The following TRPM7 variants were observed in gnomAD, a reference collection of about 807,000 sequenced individuals.
TRPM7 encodes the protein transient receptor potential cation channel subfamily M member 7.
In TRPM7, 134 loss-of-function variants were observed where a neutral mutation model predicts 229.7. The observed-to-expected ratio is 0.58, with a 90% CI of 0.51 to 0.67. TRPM7 has a LOEUF of 0.67. Among genes scored for constraint, TRPM7 ranks in the 30% least tolerant of loss-of-function variants. TRPM7 has a pLI of 0.00. For missense variants in TRPM7, 1,901 were observed against 2,210.0 expected (o/e 0.86, Z 2.80); for synonymous variants, 699 against 715.2 (o/e 0.98, Z 0.36).
chr15:50,612,357 A>G (rs1023447796), intron 16 of TRPM7, among the ~76,000 whole-genome samples, 192 bp downstream of exon 16: 5 of 152,074 alleles, frequency 3.3e-5, no homozygotes, highest in African/African-American at 4.8e-5. Context: ...AAATATAATA[A>G]CCTCTTTTTC....
At chr15:50,683,353 T>C (rs143165255) in intron 1 of TRPM7, among the ~76,000 whole-genome samples, 2 of 151,528 alleles carry the variant, frequency 1.3e-5, no homozygotes, top group African/African-American at 4.8e-5. Flanking sequence ...CTACAAAAAC[T>C]ACTACATGAA....
chr15:50,602,386 G>T (rs2059804628), intron 21 of TRPM7, among the ~76,000 whole-genome samples: 1 of 152,132 alleles, frequency 6.6e-6, no homozygotes. Flanking sequence ...CCTGTCATGG[G>T]GTAGGGGGCA....
chr15:50,559,287 G>C lies in TRPM7; in HGVS notation c.*2391C>G, dbSNP rs918622958. 3 of 152,048 alleles carry C rather than the reference G, an allele frequency of 2.0e-5. No homozygotes were observed. Among genetic ancestry groups the C allele is most frequent in the African/African-American group, 7.3e-5 (3 of 41,364 alleles). The allele number at this position is 152,048 out of a possible 1,614,324, so 9.4% of individuals were successfully genotyped here. ...AGGCTGGTCTCGAACTCCTGACCTT[G>C]TGATCCGCCCACCTTGGCCTCCCAA... On this transcript the variant is annotated 3_prime_UTR_variant, in exon 39 of 39. Coordinates refer to ENST00000646667, the MANE Select transcript of TRPM7 (RefSeq NM_017672.6).
At chr15:50,572,444 G>A (rs1251305106) in intron 36 of TRPM7, among the ~76,000 whole-genome samples, 3 of 152,138 alleles carry the variant, frequency 2.0e-5, no homozygotes, top group Non-Finnish European at 2.9e-5. Flanking sequence ...TTAACAATAA[G>A]GTATTTTTAA....
At chr15:50,670,065 A>G (rs2061956954) in intron 1 of TRPM7, among the ~76,000 whole-genome samples, 1 of 152,218 alleles carries the variant, frequency 6.6e-6, no homozygotes, top group Non-Finnish European at 1.5e-5. Context: ...ACTCTGAGTT[A>G]TGGATGGCCC....
At chr15:50,650,978 C>G (rs931449455) in intron 3 of TRPM7, among the ~76,000 whole-genome samples, 1 of 152,112 alleles carries the variant, frequency 6.6e-6, no homozygotes, top group Non-Finnish European at 1.5e-5. Context: ...TGCTTGAGCC[C>G]AGGAGTTTAG....
At chr15:50,604,522 G>C (rs2059869828) in intron 21 of TRPM7, 1 of 152,346 alleles carries the variant, frequency 6.6e-6, no homozygotes, top group South Asian at 2.1e-4. Flanking sequence ...AGTGAGCCAA[G>C]ATAGTGCCAT....
At chr15:50,579,360 T>C (rs899942758) in intron 30 of TRPM7, among the ~76,000 whole-genome samples, 8 of 152,362 alleles carry the variant, frequency 5.3e-5, no homozygotes, top group African/African-American at 1.9e-4. Context: ...GTAGATAACC[T>C]GTCTCTTTCC....
chr15:50,627,857 A>G (rs1392749929), intron 11 of TRPM7, among the ~76,000 whole-genome samples: 1 of 152,210 alleles, frequency 6.6e-6, no homozygotes, highest in East Asian at 1.9e-4. Context: ...ATAGGTCTAA[A>G]CATCAGGGGG....
chr15:50,669,710 G>GT (rs980785924), intron 1 of TRPM7, among the ~76,000 whole-genome samples: 35 of 152,036 alleles, frequency 2.3e-4, no homozygotes, highest in Admixed American at 1.9e-3. Flanking sequence ...AGTTGTTTGA[G>GT]TTTTTTTCCT....
At chr15:50,600,256 G>C (rs1424268974) in intron 21 of TRPM7, among the ~76,000 whole-genome samples, 1 of 152,090 alleles carries the variant, frequency 6.6e-6, no homozygotes, top group African/African-American at 2.4e-5. Context: ...GGCCAACATG[G>C]TGAAACCCTG....
In TRPM7 at chr15:50,674,344, C is replaced by T. The variant is rs533020859; in HGVS notation, c.4-11298G>A. Among the ~76,000 whole-genome samples, 7 of 152,062 alleles carry T rather than the reference C, an allele frequency of 4.6e-5. No individual in the cohort carries two copies. The East Asian group carries it at 1.4e-3, about 29-fold the overall frequency. ...ATGAGGTTTCACCATGTTGGTCAGG[C>T]TTTTCTTGAACTCCTGATCTCAGGT... On this transcript the variant is annotated intron_variant, in intron 1 of 38. Coordinates refer to ENST00000646667, the MANE Select transcript of TRPM7 (RefSeq NM_017672.6).
In TRPM7 at chr15:50,580,924, AAC is replaced by A. The variant is rs147578012; in HGVS notation, c.4558-18_4558-17del. On this transcript the variant is annotated splice_polypyrimidine_tract_variant and intron_variant, in intron 29 of 38. Transcript: ENST00000646667. ...GTAACCAATCCTTCAGTAAAAAAAA[AAC>A]ACACACACACAAAAACCTTAAAGAC... 4.7e-5 allele frequency: 74 copies of A among 1,569,912 alleles called. No homozygotes were observed. Among genetic ancestry groups the A allele is most frequent in the South Asian group, 3.6e-4 (30 of 83,114 alleles).
chr15:50,586,510 A>G (rs755800050), intron 27 of TRPM7, 22 bp from the exon 28 acceptor site: 4 of 1,513,062 alleles, frequency 2.6e-6, no homozygotes, highest in Non-Finnish European at 3.7e-6. Flanking sequence ...GTGCAGACAT[A>G]TAATTTGAAA....
chr15:50,595,597 A>T (rs535777900), intron 23 of TRPM7, among the ~76,000 whole-genome samples: 1 of 152,302 alleles, frequency 6.6e-6, no homozygotes, highest in African/African-American at 2.4e-5. Flanking sequence ...ACTGTGGCTC[A>T]TGCCTGTAAT....
intron 11 of TRPM7, among the ~76,000 whole-genome samples, chr15:50,626,810 AAT>A (rs58134525): frequency 0.016 from 2,339 of 147,350 alleles, 66 homozygotes; most frequent in African/African-American, 0.055. Context: ...AAAAAAAAAA[AAT>A]CAAACACTAC....
At position 50,633,010 on chromosome 15, in the gene TRPM7, A is replaced by G. The variant is rs778595116; in HGVS notation, c.1008-18T>C. 3.8e-6 allele frequency: 6 copies of G among 1,575,154 alleles called. No homozygotes were observed. Among genetic ancestry groups the G allele is most frequent in the Non-Finnish European group, 5.1e-6 (6 of 1,167,872 alleles). ...GAAGATTCCTGGAATAAAAGGAAAC[A>G]TAATTCACTGATTTCATCTTCCATT... On this transcript the variant is annotated intron_variant, in intron 8 of 38. Coordinates refer to ENST00000646667, the MANE Select transcript of TRPM7 (RefSeq NM_017672.6).
intron 30 of TRPM7, among the ~76,000 whole-genome samples, chr15:50,579,683 T>G (rs182609131): frequency 1.2e-3 from 182 of 152,326 alleles, no homozygotes; most frequent in Admixed American, 9.2e-3. Context: ...TGACTATAGG[T>G]GGGCCTTCCA....
chr15:50,596,350 G>A lies in TRPM7; in HGVS notation c.3195C>T (p.Ile1065=), dbSNP rs1039154211. The change falls in exon 23 of 39, where the codon ATC becomes ATT. Residue 1065 remains isoleucine (I), a synonymous_variant. Transcript: ENST00000646667. ...VCANDSVIPQ[I]CGPGTWLTPF... is the part of the protein sequence containing the mutation. ...GAGTCAACCACGTCCCAGGACCACA[G>A]ATTTGAGGGATAACAGAATCATTTG... The A allele has an allele frequency of 6.2e-7, 1 of 1,606,280 alleles. No individual in the cohort carries two copies. The highest frequency in any genetic ancestry group is 1.7e-5 in the Admixed American group (1 of 57,650).
Sources: gnomAD v4.1 joint callset for allele counts (sites outside exome capture counted in the v4.1 genomes callset) on GRCh38, gnomAD v4.1.1 for gene constraint, MANE v1.5 for transcripts, NCBI Gene and HGNC (gene_info 2026-07-23, HGNC 2026-07-21) for gene names.